The following ZNF423 variants were observed in gnomAD, a reference collection of about 807,000 sequenced individuals.
The protein encoded by ZNF423 is Ebf-associated zinc finger protein.
Under a neutral mutation model 95.8 loss-of-function variants are expected in ZNF423, and 12 were observed. That is an observed-to-expected ratio of 0.13 (90% confidence interval 0.08 to 0.20). ZNF423 has a LOEUF of 0.20. Ranked by LOEUF, ZNF423 falls within the 10% of genes least tolerant of loss-of-function variation. The probability of loss-of-function intolerance (pLI) is 1.00; values close to 1 mark genes in which losing one functional copy is unlikely to be tolerated. For synonymous variants in ZNF423, 749 were observed against 711.9 expected, an observed-to-expected ratio of 1.05 and a Z score of -0.83; for missense variants, 1,316 against 1,737.1, an observed-to-expected ratio of 0.76 and a Z score of 4.31.
intron 5 of ZNF423, among the ~76,000 whole-genome samples, chr16:49,579,004 G>A (rs1488195179): frequency 3.9e-5 from 6 of 152,152 alleles, no homozygotes; most frequent in African/African-American, 1.2e-4. Context: ...TACCTGGGAG[G>A]TTCATGCTCC....
intron 2 of ZNF423, among the ~76,000 whole-genome samples, chr16:49,764,220 C>T (rs935053971): frequency 3.9e-5 from 6 of 152,308 alleles, no homozygotes; most frequent in South Asian, 2.1e-4. Flanking sequence ...CTCCCAGATA[C>T]GCAGCCTCTC....
chr16:49,847,513 A>G (rs970182786), intron 1 of ZNF423: 2 of 152,012 alleles, frequency 1.3e-5, no homozygotes, highest in Non-Finnish European at 2.9e-5. Context: ...TTAGCACCCC[A>G]CCTGCCCTTT....
intron 1 of ZNF423, among the ~76,000 whole-genome samples, chr16:49,825,521 G>C (rs1439293161): frequency 6.6e-6 from 1 of 151,896 alleles, no homozygotes; most frequent in Non-Finnish European, 1.5e-5. Context: ...GGTCTAACAG[G>C]ACTGAGGTGC....
rs774791925 is a variant in ZNF423 at position 49,637,962 on chromosome 16, ATCT to A, written c.1211_1213del (p.Lys404del). 3.7e-6 allele frequency: 6 copies of A among 1,614,074 alleles called. No homozygotes were observed. In the Admixed American group the frequency reaches 5.0e-5, roughly 13 times the overall value. On this transcript the variant is annotated inframe_deletion, in exon 4 of 8. Coordinates refer to ENST00000563137, the MANE Select transcript of ZNF423 (RefSeq NM_001379286.1). This position sits in a 1 kb window ranked among gnomAD's most constrained non-coding sequence, Gnocchi z 5.6. ...GGTCCAGCCCTGCCCGTCATCCCGCATCTTCTTCTGCCCCCGCAGCGGCTTCAA... is the reference window on the plus strand; with the variant it reads ...GGTCCAGCCCTGCCCGTCATCCCGCATCTTCTGCCCCCGCAGCGGCTTCAA...
intron 5 of ZNF423, 77 bp from the exon 6 acceptor site, chr16:49,525,571 G>T: frequency 6.3e-7 from 1 of 1,587,672 alleles, no homozygotes; most frequent in Non-Finnish European, 8.6e-7. Context: ...GCCTCCCATA[G>T]ACCCCAGCAC....
Position 49,637,214 on chromosome 16 carries a change from G to T in ZNF423, c.1962C>A (p.Ser654Arg). Residue 654 changes from serine (S) to arginine (R), a missense_variant, in exon 4 of 8, where the codon AGC becomes AGA. Coordinates refer to ENST00000563137, the MANE Select transcript of ZNF423 (RefSeq NM_001379286.1). This position sits in a 1 kb window ranked among gnomAD's most constrained non-coding sequence, Gnocchi z 5.6. ...QCDLKFSNFE[S>R]FQTHLKLHLE... ...GGTGCAGCTTCAGGTGGGTCTGGAA[G>T]CTCTCAAAGTTGGAGAACTTGAGGT... The T allele has an allele frequency of 1.9e-6, 3 of 1,614,040 alleles. No homozygotes were observed. The highest frequency in any genetic ancestry group is 2.5e-6 in the Non-Finnish European group (3 of 1,180,042).
chr16:49,849,818 T>C (rs1020882629), intron 1 of ZNF423, among the ~76,000 whole-genome samples: 7 of 152,216 alleles, frequency 4.6e-5, no homozygotes, highest in Admixed American at 6.5e-5. Flanking sequence ...ATTGTGTAAT[T>C]GACTTTGCAA....
chr16:49,696,939 C>T (rs1304538310), intron 3 of ZNF423, among the ~76,000 whole-genome samples: 2 of 152,158 alleles, frequency 1.3e-5, no homozygotes, highest in Non-Finnish European at 2.9e-5. Context: ...TCAGAAGTCA[C>T]CAGGGGGGCC....
intron 1 of ZNF423, among the ~76,000 whole-genome samples, chr16:49,793,244 G>A (rs2143846160): frequency 6.6e-6 from 1 of 152,218 alleles, no homozygotes; most frequent in African/African-American, 2.4e-5. Flanking sequence ...AGAGGAAGGA[G>A]GGCCCGTCTG....
chr16:49,719,199 AG>A (rs2032794630), intron 3 of ZNF423, among the ~76,000 whole-genome samples: 1 of 152,136 alleles, frequency 6.6e-6, no homozygotes, highest in East Asian at 1.9e-4. Flanking sequence ...TTTCCCGCCC[AG>A]GGGTGAGACA....
intron 3 of ZNF423, among the ~76,000 whole-genome samples, chr16:49,642,979 C>T (rs1054469290): frequency 5.9e-5 from 9 of 151,872 alleles, no homozygotes; most frequent in African/African-American, 2.2e-4. Context: ...TGTCACCATG[C>T]CCGGCTAATT....
upstream of ZNF423, chr16:49,856,243 TCTCCTCCTC>T (rs1323707205): frequency 7.8e-6 from 1 of 128,916 alleles, no homozygotes; most frequent in Non-Finnish European, 1.6e-5. Flanking sequence ...TCCTCCTCCT[TCTCCTCCTC>T]CTCCGCCCCT....
chr16:49,747,656 TA>T (rs10701037), intron 2 of ZNF423, among the ~76,000 whole-genome samples: 26,411 of 147,388 alleles, frequency 0.18, 2,360 homozygotes, highest in Middle Eastern at 0.29. Flanking sequence ...ATATTTCATT[TA>T]AAAAAAAAAA....
At chr16:49,623,950 T>G (rs1290560056) in intron 5 of ZNF423, among the ~76,000 whole-genome samples, 1 of 152,168 alleles carries the variant, frequency 6.6e-6, no homozygotes, top group Non-Finnish European at 1.5e-5. Flanking sequence ...AATGCAAACC[T>G]TAAACAAAAC....
chr16:49,796,109 T>C (rs900977937), intron 1 of ZNF423, among the ~76,000 whole-genome samples: 4 of 151,674 alleles, frequency 2.6e-5, no homozygotes, highest in African/African-American at 9.7e-5. Context: ...GGGTCAGAAG[T>C]TGTGGGAGGC....
chr16:49,666,072 C>T (rs1284088583), intron 3 of ZNF423, among the ~76,000 whole-genome samples: 2 of 152,168 alleles, frequency 1.3e-5, no homozygotes, highest in African/African-American at 2.4e-5. Context: ...CTAAATAGTG[C>T]GATCAAAACG....
In ZNF423 at chr16:49,636,316, G is replaced by A. The variant is rs781748351; in HGVS notation, c.2860C>T (p.Arg954Trp). Residue 954 changes from arginine to tryptophan, a missense_variant, in exon 4 of 8, where the codon CGG becomes TGG. Physicochemically the swap from Arg to Trp is moderately radical, Grantham distance 101. Transcript: ENST00000563137. This position sits in a 1 kb window ranked among gnomAD's most constrained non-coding sequence, Gnocchi z 8.6. ...SRTFFSENGL[R>W]EHLQTHRGPA... ...CCCCGGTGCGTCTGCAGGTGCTCCC[G>A]TAGCCCGTTCTCCGAGAAGAAAGTC... 13 of 1,612,484 alleles carry A rather than the reference G, an allele frequency of 8.1e-6. No individual in the cohort carries two copies. The East Asian group carries it at 8.9e-5, about 11-fold the overall frequency.
chr16:49,823,874 T>A (rs1164516164), intron 1 of ZNF423, among the ~76,000 whole-genome samples: 4 of 151,926 alleles, frequency 2.6e-5, no homozygotes, highest in Non-Finnish European at 5.9e-5. Flanking sequence ...GGTAGGAGGA[T>A]CACTTGAGCT....
chr16:49,779,157 AG>A (rs1398209868), intron 2 of ZNF423, among the ~76,000 whole-genome samples: 2 of 151,622 alleles, frequency 1.3e-5, no homozygotes, highest in African/African-American at 2.4e-5. Flanking sequence ...CTGCCAAGCC[AG>A]GGCTGGGCTG....
Sources: gnomAD v4.1 joint callset for allele counts (sites outside exome capture counted in the v4.1 genomes callset) on GRCh38, gnomAD v4.1.1 for gene constraint, Gnocchi (gnomAD v3.1) non-coding constraint, MANE v1.5 for transcripts, NCBI Gene and HGNC (gene_info 2026-07-23, HGNC 2026-07-21) for gene names.